Variants in KCNK2 observed in about 807,000 individuals in gnomAD.
KCNK2 encodes potassium channel subfamily K member 2.
In KCNK2, 21 loss-of-function variants were observed where a neutral mutation model predicts 40.5. That is an observed-to-expected ratio of 0.52 (90% CI 0.37 to 0.75). KCNK2 has a LOEUF of 0.75. KCNK2 is among the 30% of genes least tolerant of loss of function. The probability of loss-of-function intolerance (pLI) is 0.00; values close to 1 mark genes in which losing one functional copy is unlikely to be tolerated. For missense variants in KCNK2, 399 were observed against 531.6 expected, an observed-to-expected ratio of 0.75 and a Z score of 2.45; for synonymous variants, 191 against 202.2, an observed-to-expected ratio of 0.94 and a Z score of 0.47.
chr1:215,005,976 C>T, intron 1 of KCNK2: 1 of 1,602,376 alleles, frequency 6.2e-7, no homozygotes, highest in East Asian at 2.2e-5. Context: ...TTGCAATAAT[C>T]AAGTACCTTA....
chr1:215,120,911 C>CT (rs1234575650), intron 2 of KCNK2, among the ~76,000 whole-genome samples: 1 of 152,020 alleles, frequency 6.6e-6, no homozygotes, highest in Non-Finnish European at 1.5e-5. Flanking sequence ...AGTTTTATGT[C>CT]TTTTTTTGTT....
intron 3 of KCNK2, among the ~76,000 whole-genome samples, chr1:215,157,363 G>A (rs1428035073): frequency 6.6e-6 from 1 of 152,150 alleles, no homozygotes; most frequent in Non-Finnish European, 1.5e-5. Flanking sequence ...TGCTAAGCCA[G>A]CTGTAGTATT....
chr1:215,089,202 A>G (rs918127228), intron 2 of KCNK2, among the ~76,000 whole-genome samples: 4 of 152,174 alleles, frequency 2.6e-5, no homozygotes, highest in African/African-American at 9.7e-5. Flanking sequence ...TCTATTGGGC[A>G]GCAATACCAC....
rs1188847127 is a variant in KCNK2 at position 215,010,869 on chromosome 1, TGTGTGTG to T, written c.34+4915_34+4921del. Reference sequence around the variant, plus strand: ...GACACAGATTTTTTTTTTTTTTTTTTGTGTGTGTGTGTGTGTGTGTGTGTGTGTATGT... The same window carrying T: ...GACACAGATTTTTTTTTTTTTTTTTTTGTGTGTGTGTGTGTGTGTGTATGT... On this transcript the variant is annotated intron_variant, in intron 1 of 6. Transcript: ENST00000391895. Among the ~76,000 whole-genome samples, 197 of 107,448 alleles carry T rather than the reference TGTGTGTG, an allele frequency of 1.8e-3. 1 individual carries two copies. The highest frequency in any genetic ancestry group is 4.9e-3 in the Admixed American group (51 of 10,442). 70.5% of individuals were successfully genotyped at this position (107,448 alleles called of 152,430 possible).
At chr1:215,228,374 A>G (rs1018758137) in intron 6 of KCNK2, among the ~76,000 whole-genome samples, 9 of 152,186 alleles carry the variant, frequency 5.9e-5, no homozygotes, top group African/African-American at 2.2e-4. Context: ...AGGACAGAGA[A>G]CTTAGTGAGG....
At chr1:215,047,359 C>G (rs1178639490) in intron 1 of KCNK2, among the ~76,000 whole-genome samples, 1 of 152,022 alleles carries the variant, frequency 6.6e-6, no homozygotes, top group African/African-American at 2.4e-5. Context: ...ATCAAAACAA[C>G]TGAGTAAAGA....
At chr1:215,084,182 G>GCACGCACACA in intron 1 of KCNK2, among the ~76,000 whole-genome samples, 1 of 141,978 alleles carries the variant, frequency 7.0e-6, no homozygotes, top group Middle Eastern at 3.4e-3. Flanking sequence ...TTAGGTTAAT[G>GCACGCACACA]CACACACACA....
At chr1:215,074,121 A>G (rs1009747512) in intron 1 of KCNK2, among the ~76,000 whole-genome samples, 8 of 152,174 alleles carry the variant, frequency 5.3e-5, no homozygotes, top group Non-Finnish European at 1.0e-4. Flanking sequence ...TGGGGAGATC[A>G]CACAACCATC....
intron 1 of KCNK2, among the ~76,000 whole-genome samples, chr1:215,057,291 A>G (rs974534620): frequency 6.6e-6 from 1 of 152,122 alleles, no homozygotes; most frequent in African/African-American, 2.4e-5. Flanking sequence ...AAAGATGCAA[A>G]ATGATCTTTT....
intron 1 of KCNK2, among the ~76,000 whole-genome samples, chr1:215,062,160 A>G (rs747981551): frequency 2.6e-5 from 4 of 152,152 alleles, no homozygotes; most frequent in Non-Finnish European, 5.9e-5. Flanking sequence ...GACAGAGTTA[A>G]TTGTCTAAGC....
chr1:215,061,069 C>T (rs1658347730), intron 1 of KCNK2, among the ~76,000 whole-genome samples: 1 of 151,992 alleles, frequency 6.6e-6, no homozygotes, highest in African/African-American at 2.4e-5. Context: ...GATTTTTTGA[C>T]CATTGCTCTA....
chr1:215,222,069 A>G (rs1666200976), intron 6 of KCNK2, among the ~76,000 whole-genome samples: 1 of 152,190 alleles, frequency 6.6e-6, no homozygotes, highest in South Asian at 2.1e-4. Context: ...GGTGACATAC[A>G]CTTTTAAATG....
chr1:215,110,499 C>G (rs1660636220), intron 2 of KCNK2, among the ~76,000 whole-genome samples: 1 of 151,856 alleles, frequency 6.6e-6, no homozygotes, highest in Non-Finnish European at 1.5e-5. Flanking sequence ...ATCTTGACAC[C>G]CTTGTTGAAG....
At chr1:215,210,222 C>T (rs975187189) in intron 6 of KCNK2, among the ~76,000 whole-genome samples, 2 of 150,226 alleles carry the variant, frequency 1.3e-5, no homozygotes, top group African/African-American at 2.4e-5. Context: ...TTCATCTTAG[C>T]TCTCATTTGT....
At position 215,071,372 on chromosome 1, in the gene KCNK2, A is replaced by G. The variant is rs149412152; in HGVS notation, c.35-14996A>G. Among the ~76,000 whole-genome samples, 389 of 152,316 alleles carry G rather than the reference A, an allele frequency of 2.6e-3. 3 individuals are homozygous for G. The highest frequency in any genetic ancestry group is 8.7e-3 in the African/African-American group (363 of 41,570). On this transcript the variant is annotated intron_variant, in intron 1 of 6. Transcript: ENST00000391895. Reference sequence around the variant, plus strand: ...TCTATATTTTGAGTGACTGCTTAGGAAAGGTCAGAAGTGCTTTCTATAATA... The same window carrying G: ...TCTATATTTTGAGTGACTGCTTAGGGAAGGTCAGAAGTGCTTTCTATAATA...
At chr1:215,085,606 C>A (rs748740552) in intron 1 of KCNK2, among the ~76,000 whole-genome samples, 27 of 152,214 alleles carry the variant, frequency 1.8e-4, no homozygotes, top group Admixed American at 2.0e-4. Flanking sequence ...TGATATTGTT[C>A]ACATTTGAAA....
chr1:215,180,519 A>G (rs1664181476), intron 5 of KCNK2, among the ~76,000 whole-genome samples: 1 of 151,582 alleles, frequency 6.6e-6, no homozygotes, highest in Admixed American at 6.6e-5. Context: ...CATGTTTAGA[A>G]CTCCCTTAAG....
intron 2 of KCNK2, among the ~76,000 whole-genome samples, chr1:215,120,931 T>C (rs1354695754): frequency 6.6e-6 from 1 of 152,222 alleles, no homozygotes; most frequent in Non-Finnish European, 1.5e-5. Flanking sequence ...TTGCTTGTTG[T>C]CATATTTTAT....
At chr1:215,114,061 T>G (rs1012051868) in intron 2 of KCNK2, among the ~76,000 whole-genome samples, 5 of 152,174 alleles carry the variant, frequency 3.3e-5, no homozygotes, top group Admixed American at 2.0e-4. Flanking sequence ...TCTCTTTCCC[T>G]GCTTGGTTTA....
Sources: gnomAD v4.1 joint callset for allele counts (sites outside exome capture counted in the v4.1 genomes callset) on GRCh38, gnomAD v4.1.1 for gene constraint, MANE v1.5 for transcripts, NCBI Gene and HGNC (gene_info 2026-07-23, HGNC 2026-07-21) for gene names.